CUX1: variants seen among roughly 807,000 people sequenced by gnomAD.
The protein encoded by CUX1 is cut like homeobox 1.
In CUX1, 31 loss-of-function variants were observed where a neutral mutation model predicts 158.8. The observed-to-expected ratio is 0.20, with a 90% CI of 0.15 to 0.26. The LOEUF is 0.26. Ranked by LOEUF, CUX1 falls within the 10% of genes least tolerant of loss-of-function variation. The pLI is 1.00. For missense variants in CUX1, 1,589 were observed against 2,014.6 expected (o/e 0.79, Z 4.04); for synonymous variants, 879 against 862.1 (o/e 1.02, Z -0.34).
chr7:102,072,621 A>T (rs928235691), intron 4 of CUX1, among the ~76,000 whole-genome samples: 2 of 152,202 alleles, frequency 1.3e-5, no homozygotes, highest in African/African-American at 4.8e-5. Flanking sequence ...TTGCAAAGGA[A>T]GTAGACGCTG....
At chr7:102,217,041 G>C (rs1797299493) in intron 20 of CUX1, among the ~76,000 whole-genome samples, 1 of 152,188 alleles carries the variant, frequency 6.6e-6, no homozygotes, top group Non-Finnish European at 1.5e-5. Flanking sequence ...GCATTGATAA[G>C]TGTTCGTACA....
intron 2 of CUX1, among the ~76,000 whole-genome samples, chr7:102,000,901 G>C (rs573207464): frequency 6.6e-6 from 1 of 152,164 alleles, no homozygotes; most frequent in African/African-American, 2.4e-5. Flanking sequence ...TCCCTGAGTA[G>C]ATGGGACTAT....
At chr7:102,073,450 G>A (rs530559905) in intron 4 of CUX1, among the ~76,000 whole-genome samples, 1 of 152,226 alleles carries the variant, frequency 6.6e-6, no homozygotes, top group Non-Finnish European at 1.5e-5. Flanking sequence ...TAGGATTACA[G>A]GCGTGAGCCA....
chr7:102,090,619 A>T (rs1554481949), intron 4 of CUX1, among the ~76,000 whole-genome samples: 1 of 150,650 alleles, frequency 6.6e-6, no homozygotes, highest in African/African-American at 2.4e-5. Context: ...CGATCTCCTG[A>T]CCTCATGATC....
At chr7:101,952,699 G>A (rs923273706) in intron 2 of CUX1, among the ~76,000 whole-genome samples, 1 of 152,174 alleles carries the variant, frequency 6.6e-6, no homozygotes, top group Non-Finnish European at 1.5e-5. Flanking sequence ...GTCCTGTGTG[G>A]CTCACTCCCT....
intron 8 of CUX1, among the ~76,000 whole-genome samples, chr7:102,142,586 C>G (rs1418574699): frequency 2.0e-5 from 3 of 151,858 alleles, no homozygotes; most frequent in Non-Finnish European, 4.4e-5. Context: ...GATAGTACCA[C>G]TGCACTCCAG....
chr7:102,070,935 TC>T (rs1323248403), intron 4 of CUX1, among the ~76,000 whole-genome samples: 32 of 4,394 alleles, frequency 7.3e-3, no homozygotes, highest in East Asian at 0.11. Flanking sequence ...ATCAGTTGTT[TC>T]TTTTATTTTT....
At chr7:102,106,161 C>T (rs1167934413) in intron 6 of CUX1, among the ~76,000 whole-genome samples, 3 of 138,230 alleles carry the variant, frequency 2.2e-5, no homozygotes, top group African/African-American at 8.2e-5. Context: ...AATCTTGGCT[C>T]ACTGCAACCT....
intron 1 of CUX1, among the ~76,000 whole-genome samples, chr7:101,853,178 C>G (rs1389494640): frequency 6.6e-6 from 1 of 152,198 alleles, no homozygotes; most frequent in East Asian, 1.9e-4. Flanking sequence ...TGCCCCCTCT[C>G]TGGGACAGGT....
At chr7:101,909,696 G>A (rs1308768286) in intron 1 of CUX1, among the ~76,000 whole-genome samples, 2 of 152,176 alleles carry the variant, frequency 1.3e-5, no homozygotes, top group African/African-American at 4.8e-5. Flanking sequence ...ATTAAAGTTT[G>A]AGATAATAAA....
intron 1 of CUX1, among the ~76,000 whole-genome samples, chr7:101,866,993 G>A (rs536718452): frequency 1.2e-3 from 181 of 152,336 alleles, no homozygotes; most frequent in African/African-American, 4.2e-3. Flanking sequence ...GGCCAAGGTG[G>A]GTGGATCACT....
intron 3 of CUX1, among the ~76,000 whole-genome samples, chr7:102,036,963 A>G (rs7785458): frequency 0.42 from 64,262 of 152,068 alleles, 14,183 homozygotes; most frequent in Non-Finnish European, 0.46. Context: ...GGCTGAAGCA[A>G]GCAGTTCCCT....
intron 2 of CUX1, among the ~76,000 whole-genome samples, chr7:101,920,413 C>T (rs933731954): frequency 2.0e-5 from 3 of 152,016 alleles, no homozygotes; most frequent in Admixed American, 1.3e-4. Flanking sequence ...TAAGCCACCG[C>T]GCCTGGCCGT....
chr7:101,930,986 AT>A (rs1234847891), intron 2 of CUX1, among the ~76,000 whole-genome samples: 16 of 152,318 alleles, frequency 1.1e-4, no homozygotes, highest in Admixed American at 9.2e-4. Context: ...AATCTCAGCT[AT>A]TCAGGAGGCT....
At chr7:102,232,534 G>A (rs782146424) in intron 21 of CUX1, among the ~76,000 whole-genome samples, 1 of 152,034 alleles carries the variant, frequency 6.6e-6, no homozygotes, top group Non-Finnish European at 1.5e-5. Context: ...CACTTTATGG[G>A]GTCAAACGCT....
chr7:101,828,445 G>A (rs73712561), intron 1 of CUX1, among the ~76,000 whole-genome samples: 1,924 of 152,290 alleles, frequency 0.013, 30 homozygotes, highest in African/African-American at 0.044. Flanking sequence ...TTTTTTGACA[G>A]AGGTCTGTTT....
chr7:101,817,500 C>G, upstream of CUX1: 4 of 1,131,452 alleles, frequency 3.5e-6, no homozygotes, highest in Non-Finnish European at 4.3e-6. This position sits in a 1 kb window ranked among gnomAD's most constrained non-coding sequence, Gnocchi z 4.1. Flanking sequence ...CGGCCCGCGC[C>G]CGAGTCGCCG....
chr7:101,877,859 G>T (rs1241464767), intron 1 of CUX1, among the ~76,000 whole-genome samples: 1 of 150,612 alleles, frequency 6.6e-6, no homozygotes, highest in East Asian at 1.9e-4. Flanking sequence ...TATATACTTG[G>T]TTCCATTTTG....
At chr7:101,872,244 A>G (rs1484266222) in intron 1 of CUX1, among the ~76,000 whole-genome samples, 1 of 151,856 alleles carries the variant, frequency 6.6e-6, no homozygotes, top group Non-Finnish European at 1.5e-5. Context: ...AGTGATTCTC[A>G]TGCTGCAGTC....
Sources: gnomAD v4.1 joint callset for allele counts (sites outside exome capture counted in the v4.1 genomes callset) on GRCh38, gnomAD v4.1.1 for gene constraint, Gnocchi (gnomAD v3.1) non-coding constraint, MANE v1.5 for transcripts, NCBI Gene and HGNC (gene_info 2026-07-23, HGNC 2026-07-21) for gene names.